The following MALRD1 variants were observed in gnomAD, a reference collection of about 807,000 sequenced individuals.
MALRD1 encodes the protein MAM and LDL receptor class A domain containing 1.
A neutral mutation model predicts 242.1 loss-of-function variants in MALRD1; 247 were observed. The observed-to-expected ratio is 1.02, with a 90% CI of 0.92 to 1.13. MALRD1 has a LOEUF of 1.13. Ranked by LOEUF, MALRD1 falls within the 50% of genes most tolerant of loss-of-function variation. The pLI is 0.00. For missense variants in MALRD1, 2,989 were observed against 2,533.1 expected (o/e 1.18, Z -3.86); for synonymous variants, 995 against 866.6 (o/e 1.15, Z -2.60).
intron 31 of MALRD1, among the ~76,000 whole-genome samples, chr10:19,529,414 T>C (rs1210007022): frequency 1.3e-5 from 2 of 152,000 alleles, no homozygotes; most frequent in African/African-American, 4.8e-5. Context: ...ATAATGTATA[T>C]TGCAAATTCA....
intron 24 of MALRD1, among the ~76,000 whole-genome samples, chr10:19,346,237 C>T (rs1411865178): frequency 6.6e-6 from 1 of 152,074 alleles, no homozygotes; most frequent in Non-Finnish European, 1.5e-5. Flanking sequence ...ATGCCAAGTG[C>T]AATAGAACTT....
At chr10:19,145,761 A>C (rs1833707376) in intron 10 of MALRD1, among the ~76,000 whole-genome samples, 1 of 151,626 alleles carries the variant, frequency 6.6e-6, no homozygotes, top group African/African-American at 2.4e-5. Context: ...AAGTGTTAGG[A>C]TAGAATAATA....
chr10:19,577,535 T>C (rs187504028), intron 33 of MALRD1, among the ~76,000 whole-genome samples: 16 of 152,128 alleles, frequency 1.1e-4, no homozygotes, highest in African/African-American at 3.9e-4. Context: ...AGGAATTTTG[T>C]TGAATTAGGA....
chr10:19,338,431 C>A (rs896231796), intron 24 of MALRD1, among the ~76,000 whole-genome samples: 3 of 147,280 alleles, frequency 2.0e-5, no homozygotes, highest in African/African-American at 8.0e-5. Context: ...AACATGTAGC[C>A]TTTTCAAATT....
intron 24 of MALRD1, among the ~76,000 whole-genome samples, chr10:19,334,125 T>TGTTG (rs1267953054): frequency 3.4e-5 from 5 of 146,724 alleles, no homozygotes; most frequent in African/African-American, 1.3e-4. Flanking sequence ...GTAGGTTTTT[T>TGTTG]TTTTTTTTTT....
rs1554783748 is a variant in MALRD1 at position 19,490,509 on chromosome 10, G to GGT, written c.5030-1007_5030-1006insTG. ...AAACAGAAGAAGCCAAGTGGGGCGGGGGGGGGGCAGGGTTATGGGGGTGAG... is the reference window on the plus strand; with the variant it reads ...AAACAGAAGAAGCCAAGTGGGGCGGGGTGGGGGGGCAGGGTTATGGGGGTGAG... On this transcript the variant is annotated intron_variant, in intron 29 of 39. Coordinates refer to ENST00000454679, the MANE Select transcript of MALRD1 (RefSeq NM_001142308.3). Among the ~76,000 whole-genome samples the GGT allele has an allele frequency of 3.2e-4, 24 of 74,244 alleles. 1 individual carries two copies. The highest frequency in any genetic ancestry group is 4.4e-4 in the Non-Finnish European group (17 of 39,002). 48.7% of individuals were successfully genotyped at this position (74,244 alleles called of 152,430 possible). A position where few individuals can be genotyped will look rare whatever the true frequency, so the allele number is the denominator to read the frequency against.
intron 36 of MALRD1, among the ~76,000 whole-genome samples, chr10:19,675,325 A>G (rs186313402): frequency 6.6e-6 from 1 of 152,328 alleles, no homozygotes; most frequent in East Asian, 1.9e-4. Context: ...ACATTGTACA[A>G]TGACAAGCAG....
At chr10:19,572,283 T>G (rs758065467) in intron 33 of MALRD1, among the ~76,000 whole-genome samples, 5 of 152,240 alleles carry the variant, frequency 3.3e-5, no homozygotes, top group Non-Finnish European at 7.3e-5. Context: ...CTTAGCCATG[T>G]GAGTTTCCAA....
chr10:19,161,550 CAAAAAAAAA>C lies in MALRD1; in HGVS notation c.1657-4078_1657-4070del. 2.1e-4 allele frequency among the ~76,000 whole-genome samples: 13 copies of C among 60,842 alleles called. No individual in the cohort carries two copies. The East Asian group carries it at 7.0e-3, about 33-fold the overall frequency. 39.9% of individuals were successfully genotyped at this position (60,842 alleles called of 152,430 possible). On this transcript the variant is annotated intron_variant, in intron 12 of 39. Transcript: ENST00000454679. Reference sequence around the variant, plus strand: ...ATAATAAAAATAAAGAAAAAAAAAGCAAAAAAAAAAAAAAAAAGAAAATTTCCTTTAAAA... The same window carrying C: ...ATAATAAAAATAAAGAAAAAAAAAGCAAAAAAAAGAAAATTTCCTTTAAAA...
chr10:19,355,604 T>A (rs1374102819), intron 26 of MALRD1, among the ~76,000 whole-genome samples: 2 of 151,044 alleles, frequency 1.3e-5, no homozygotes, highest in Non-Finnish European at 3.0e-5. Context: ...CAGCTGTAAC[T>A]CTTACATTCA....
chr10:19,572,030 GAAC>G (rs1338683357), intron 33 of MALRD1, among the ~76,000 whole-genome samples: 1 of 152,084 alleles, frequency 6.6e-6, no homozygotes, highest in Non-Finnish European at 1.5e-5. Flanking sequence ...AAGGAATATA[GAAC>G]AACATTTGTC....
intron 38 of MALRD1, among the ~76,000 whole-genome samples, chr10:19,721,313 T>A (rs375756099): frequency 1.1e-4 from 17 of 152,168 alleles, no homozygotes; most frequent in African/African-American, 3.6e-4. Flanking sequence ...TGGGAAAAAC[T>A]AATTGAAGAC....
At position 19,126,098 on chromosome 10, in the gene MALRD1, G is replaced by T. The variant is rs190431721; in HGVS notation, c.943+1428G>T. ...AGTACAGGGTGATTTTCCCTCTTTA[G>T]CTCCTGATATGTGCTGTAGTGACAG... is the stretch of plus-strand genomic sequence containing the variant. On this transcript the variant is annotated intron_variant, in intron 7 of 39. Transcript: ENST00000454679. 1.1e-3 allele frequency among the ~76,000 whole-genome samples: 167 copies of T among 151,516 alleles called. 1 individual carries two copies. Among genetic ancestry groups the T allele is most frequent in the African/African-American group, 3.8e-3 (156 of 41,322 alleles).
chr10:19,437,114 T>C (rs1834380458), intron 28 of MALRD1, among the ~76,000 whole-genome samples: 1 of 152,052 alleles, frequency 6.6e-6, no homozygotes, highest in South Asian at 2.1e-4. Flanking sequence ...CAGGATTCTG[T>C]AGCAGAAGAA....
chr10:19,309,959 C>G (rs184248196), intron 21 of MALRD1, among the ~76,000 whole-genome samples: 1 of 151,480 alleles, frequency 6.6e-6, no homozygotes, highest in Non-Finnish European at 1.5e-5. Flanking sequence ...CCAGATTGCC[C>G]CATCCAAAAG....
intron 31 of MALRD1, among the ~76,000 whole-genome samples, chr10:19,522,435 G>A (rs13377040): frequency 0.21 from 31,457 of 151,932 alleles, 5,037 homozygotes; most frequent in African/African-American, 0.45. Context: ...TATAGCTGTA[G>A]GTGTCAGAAG....
At chr10:19,626,399 C>A (rs941165868) in intron 36 of MALRD1, among the ~76,000 whole-genome samples, 1 of 148,606 alleles carries the variant, frequency 6.7e-6, no homozygotes. Context: ...TAAGTAGAAG[C>A]TAAACATATT....
At chr10:19,432,963 TCTTACGTAATACA>T (rs1834204017) in intron 28 of MALRD1, among the ~76,000 whole-genome samples, 1 of 152,230 alleles carries the variant, frequency 6.6e-6, no homozygotes, top group South Asian at 2.1e-4. Context: ...ACTCATTATC[TCTTACGTAATACA>T]CTTGTAATGC....
intron 28 of MALRD1, among the ~76,000 whole-genome samples, chr10:19,442,367 T>C (rs1834714758): frequency 6.6e-6 from 1 of 152,010 alleles, no homozygotes; most frequent in South Asian, 2.1e-4. Flanking sequence ...TGAATAGGAG[T>C]GGTGAGAGAG....
Sources: allele counts gnomAD v4.1 joint callset (sites outside exome capture counted in the v4.1 genomes callset), GRCh38; gene constraint gnomAD v4.1.1; transcripts MANE v1.5; gene names NCBI Gene and HGNC (gene_info 2026-07-23, HGNC 2026-07-21).